WWOX: variants seen among roughly 807,000 people sequenced by gnomAD.
WWOX encodes WW domain-containing oxidoreductase.
Under a neutral mutation model 46.2 loss-of-function variants are expected in WWOX, and 69 were observed. The observed-to-expected ratio is 1.49, with a 90% CI of 1.23 to 1.82. The LOEUF (loss-of-function observed/expected upper bound fraction) is 1.82, where lower values mean the gene tolerates loss of function less well. Ranked by LOEUF, WWOX falls within the 40% of genes most tolerant of loss-of-function variation. WWOX has a pLI of 0.00. For synonymous variants in WWOX, 359 were observed against 202.6 expected (o/e 1.77, Z -6.56); for missense variants, 919 against 542.6 (o/e 1.69, Z -6.89).
At chr16:78,254,242 T>G (rs1166080245) in intron 5 of WWOX, among the ~76,000 whole-genome samples, 2 of 151,710 alleles carry the variant, frequency 1.3e-5, no homozygotes, top group Admixed American at 6.6e-5. Context: ...TTTTTGAAAC[T>G]ATTTGTAGAG....
At position 79,010,483 on chromosome 16, in the gene WWOX, C is replaced by T. The variant is rs568796348; in HGVS notation, c.1057-201125C>T. Among the ~76,000 whole-genome samples, 5 of 152,262 alleles carry T rather than the reference C, an allele frequency of 3.3e-5. No homozygotes were observed. In the East Asian group the frequency reaches 7.7e-4, roughly 24 times the overall value. ...GACCAATCCACAGGTGATGGCGGGA[C>T]AGCTCCAGGCCCTGGGGATCCCCCA... is the stretch of plus-strand genomic sequence containing the variant. On this transcript the variant is annotated intron_variant, in intron 8 of 8. Transcript: ENST00000566780.
At chr16:78,825,839 A>C (rs1295743193) in intron 8 of WWOX, 10 of 614,942 alleles carry the variant, frequency 1.6e-5, no homozygotes, top group Non-Finnish European at 2.4e-5. Flanking sequence ...GGTGAAGGTC[A>C]TGCTGCCCTG....
Position 78,190,552 on chromosome 16 carries a change from C to G in WWOX, c.516+26263C>G, listed in dbSNP as rs146451202. Among the ~76,000 whole-genome samples, 11 of 152,292 alleles carry G rather than the reference C, an allele frequency of 7.2e-5. No homozygotes were observed. The East Asian group carries it at 2.1e-3, about 29-fold the overall frequency. ...CCCCATGATGGCTACAGTGCACATC[C>G]CTTCCAGCCAACTCTATTGTGCACA... On this transcript the variant is annotated intron_variant, in intron 5 of 8. Transcript: ENST00000566780.
At chr16:78,305,862 T>G (rs561698687) in intron 5 of WWOX, among the ~76,000 whole-genome samples, 1 of 152,254 alleles carries the variant, frequency 6.6e-6, no homozygotes, top group African/African-American at 2.4e-5. Flanking sequence ...TCATTTTTTC[T>G]TTTTCTTTTT....
intron 5 of WWOX, chr16:78,278,592 G>A (rs8048830): frequency 1.3e-6 from 2 of 1,597,376 alleles, no homozygotes; most frequent in South Asian, 1.1e-5. Context: ...TCTTTTGTTT[G>A]TATCTTACAG....
intron 8 of WWOX, among the ~76,000 whole-genome samples, chr16:78,948,277 T>C (rs1038200967): frequency 6.6e-6 from 1 of 152,190 alleles, no homozygotes; most frequent in Non-Finnish European, 1.5e-5. Flanking sequence ...TTATTTGTTG[T>C]CACTGTTTGG....
intron 5 of WWOX, among the ~76,000 whole-genome samples, chr16:78,333,043 C>CTTATTTTTTTTTTTTTTTTTTT (rs2080797694): frequency 1.8e-5 from 1 of 57,094 alleles, no homozygotes; most frequent in Non-Finnish European, 3.8e-5. Context: ...GAGCATTATA[C>CTTATTTTTTTTTTTTTTTTTTT]TTTTTTTTTT....
intron 5 of WWOX, among the ~76,000 whole-genome samples, chr16:78,207,761 C>CA (rs34715697): frequency 0.018 from 1,889 of 104,586 alleles, 26 homozygotes; most frequent in Middle Eastern, 0.06. Flanking sequence ...GACCCTATTA[C>CA]AAAAAAAAAA....
intron 8 of WWOX, among the ~76,000 whole-genome samples, chr16:78,458,761 T>C (rs1000436921): frequency 3.3e-5 from 5 of 152,132 alleles, no homozygotes; most frequent in African/African-American, 1.2e-4. Flanking sequence ...TATATATAAA[T>C]ACCAGTACTA....
intron 8 of WWOX, among the ~76,000 whole-genome samples, chr16:79,039,153 T>G (rs2047924064): frequency 6.6e-6 from 1 of 152,204 alleles, no homozygotes; most frequent in Non-Finnish European, 1.5e-5. Flanking sequence ...GCTGGGGAAT[T>G]CTTTTTGCAG....
chr16:78,800,897 C>T (rs963580175), intron 8 of WWOX, among the ~76,000 whole-genome samples: 4 of 152,040 alleles, frequency 2.6e-5, no homozygotes, highest in Admixed American at 2.0e-4. Context: ...TTTTGCAAGG[C>T]ATTCCCCAAT....
chr16:78,214,882 C>G (rs923802786), intron 5 of WWOX, among the ~76,000 whole-genome samples: 9 of 149,774 alleles, frequency 6.0e-5, no homozygotes, highest in African/African-American at 2.0e-4. Flanking sequence ...GGGCTGGAAA[C>G]TAGGGATACT....
chr16:78,980,213 T>C (rs1473660812), intron 8 of WWOX, among the ~76,000 whole-genome samples: 2 of 152,206 alleles, frequency 1.3e-5, no homozygotes, highest in African/African-American at 4.8e-5. Flanking sequence ...CCTTCACCTT[T>C]ATAAGCATCT....
chr16:78,802,378 G>A lies in WWOX; in HGVS notation c.1056+369626G>A, dbSNP rs368638494. On this transcript the variant is annotated intron_variant, in intron 8 of 8. Transcript: ENST00000566780. ...AGAGGGTAGGTCTGTGAATGGAATTGAACAGGTAGGTTGAACAAGATAAAT... is the reference window on the plus strand; with the variant it reads ...AGAGGGTAGGTCTGTGAATGGAATTAAACAGGTAGGTTGAACAAGATAAAT... Among the ~76,000 whole-genome samples, 15 of 152,092 alleles carry A rather than the reference G, an allele frequency of 9.9e-5. No homozygotes were observed. The South Asian group carries it at 2.5e-3, about 25-fold the overall frequency.
At chr16:78,524,665 C>T (rs945648832) in intron 8 of WWOX, among the ~76,000 whole-genome samples, 12 of 151,858 alleles carry the variant, frequency 7.9e-5, no homozygotes, top group East Asian at 3.9e-4. Flanking sequence ...GTGATCCACC[C>T]GCCTCAGCCT....
chr16:78,340,781 C>T (rs1355930195), intron 5 of WWOX, among the ~76,000 whole-genome samples: 1 of 117,742 alleles, frequency 8.5e-6, no homozygotes, highest in African/African-American at 2.9e-5. Flanking sequence ...AGTTCTAGAG[C>T]CAAGTGAGGG....
rs762162412 is a variant in WWOX, at chr16:78,850,149, TGTGA to T, written c.1057-361455_1057-361452del. ...AGTTTTCACTACCAGTTTCTGTGTG[TGTGA>T]GTGTGTGTGAGTGTGTGTGTGTAAA... On this transcript the variant is annotated intron_variant, in intron 8 of 8. Transcript: ENST00000566780. Among the ~76,000 whole-genome samples, 8 of 151,890 alleles carry T rather than the reference TGTGA, an allele frequency of 5.3e-5. No homozygotes were observed. In the East Asian group the frequency reaches 9.7e-4, roughly 18 times the overall value.
intron 1 of WWOX, among the ~76,000 whole-genome samples, chr16:78,101,686 C>T (rs2031803482): frequency 1.3e-5 from 2 of 152,236 alleles, no homozygotes; most frequent in South Asian, 4.1e-4. Flanking sequence ...ATCTTCCCTC[C>T]CAGGTGATTC....
intron 8 of WWOX, among the ~76,000 whole-genome samples, chr16:79,015,806 C>T (rs539651788): frequency 1.3e-5 from 2 of 152,274 alleles, no homozygotes; most frequent in African/African-American, 2.4e-5. Context: ...AGGTGGAGTG[C>T]AGCGGTGTGA....
Sources: allele counts gnomAD v4.1 joint callset (sites outside exome capture counted in the v4.1 genomes callset), GRCh38; gene constraint gnomAD v4.1.1; transcripts MANE v1.5; gene names NCBI Gene and HGNC (gene_info 2026-07-23, HGNC 2026-07-21).